The following TBC1D10A variants were observed in gnomAD, a reference collection of about 807,000 sequenced individuals.
TBC1D10A encodes the protein EBP50-PDX interactor of 64 kDa.
A neutral mutation model predicts 52.9 loss-of-function variants in TBC1D10A; 24 were observed. That is an observed-to-expected ratio of 0.45 (90% CI 0.33 to 0.64). TBC1D10A has a LOEUF of 0.64. Among genes scored for constraint, TBC1D10A ranks in the 30% least tolerant of loss-of-function variants. The probability of loss-of-function intolerance (pLI) is 0.02; values close to 1 mark genes in which losing one functional copy is unlikely to be tolerated. For missense variants in TBC1D10A, 602 were observed against 687.9 expected (o/e 0.88, Z 1.40); for synonymous variants, 278 against 282.9 (o/e 0.98, Z 0.17).
intron 1 of TBC1D10A, among the ~76,000 whole-genome samples, chr22:30,316,765 A>G (rs1323970213): frequency 6.6e-6 from 1 of 152,188 alleles, no homozygotes; most frequent in Non-Finnish European, 1.5e-5. Flanking sequence ...GTTGGCTGGC[A>G]CAGTGGCTCA....
chr22:30,318,711 C>A, intron 1 of TBC1D10A: 1 of 471,180 alleles, frequency 2.1e-6, no homozygotes, highest in Non-Finnish European at 4.4e-6. Flanking sequence ...GATTTGCCAG[C>A]CTCTTTATCC....
chr22:30,319,062 C>T (rs576502896), intron 1 of TBC1D10A, among the ~76,000 whole-genome samples: 32 of 152,110 alleles, frequency 2.1e-4, no homozygotes, highest in Admixed American at 1.4e-3. Context: ...TACTGCCTCC[C>T]GTTCTTCTTG....
At chr22:30,296,019 T>G in intron 3 of TBC1D10A, 176 bp from the exon 4 acceptor site, 1 of 620,158 alleles carries the variant, frequency 1.6e-6, no homozygotes, top group Non-Finnish European at 2.8e-6. Flanking sequence ...AAGGAATGCC[T>G]GGGCAGGGGC....
chr22:30,309,149 G>A (rs977545303), intron 1 of TBC1D10A, among the ~76,000 whole-genome samples: 15 of 152,106 alleles, frequency 9.9e-5, no homozygotes, highest in Middle Eastern at 3.2e-3. Context: ...TGGCCTGCCC[G>A]TACCTAGCAA....
At chr22:30,293,411 C>T (rs1271142266) in intron 8 of TBC1D10A, 1 of 729,370 alleles carries the variant, frequency 1.4e-6, no homozygotes, top group East Asian at 2.7e-5. Context: ...GGCCGTGGGT[C>T]AACATTCTTC....
chr22:30,295,516 C>A (rs570690455), intron 4 of TBC1D10A, among the ~76,000 whole-genome samples: 2 of 152,332 alleles, frequency 1.3e-5, no homozygotes, highest in East Asian at 3.9e-4. Flanking sequence ...GAGGGCCAGG[C>A]TGGACAAGCT....
chr22:30,307,197 T>C (rs1234413401), intron 1 of TBC1D10A, among the ~76,000 whole-genome samples: 1 of 152,102 alleles, frequency 6.6e-6, no homozygotes, highest in Non-Finnish European at 1.5e-5. Flanking sequence ...CAGGAACCAA[T>C]TGCTAGTGAG....
In TBC1D10A at chr22:30,294,991, G is replaced by A; in HGVS notation, c.589C>T (p.Gln197Ter). ...TLYRPEEGYCQAQAPIAAVLL... is the reference protein window; with the variant it reads ...TLYRPEEGYC The stretch of plus-strand genomic sequence containing the variant: ...ACAGCGGCAATGGGCGCCTGGGCCT[G>A]GCAGTAGCCCTCCTCGGGCCGGTAC... The change falls in exon 5 of 9, where the codon CAG (glutamine) becomes TAG (stop). Residue 197 changes from glutamine to a stop codon, truncating the protein, a stop_gained. Coordinates refer to ENST00000215790, the MANE Select transcript of TBC1D10A (RefSeq NM_031937.3). LOFTEE classifies it high-confidence loss of function. 1 of 1,614,080 alleles carries A rather than the reference G, an allele frequency of 6.2e-7. No individual in the cohort carries two copies. The highest frequency in any genetic ancestry group is 8.5e-7 in the Non-Finnish European group (1 of 1,180,036).
At chr22:30,310,399 T>C (rs1930400658) in intron 1 of TBC1D10A, among the ~76,000 whole-genome samples, 1 of 152,188 alleles carries the variant, frequency 6.6e-6, no homozygotes, top group South Asian at 2.1e-4. Context: ...CAGGGCATGA[T>C]TACCACCATT....
At chr22:30,311,115 C>G (rs1930416913) in intron 1 of TBC1D10A, among the ~76,000 whole-genome samples, 1 of 152,194 alleles carries the variant, frequency 6.6e-6, no homozygotes, top group African/African-American at 2.4e-5. Context: ...GTTTTGCATA[C>G]TAGGCAACAA....
chr22:30,294,207 T>C, intron 6 of TBC1D10A, 97 bp from the exon 7 acceptor site: 1 of 1,399,934 alleles, frequency 7.1e-7, no homozygotes, highest in Non-Finnish European at 9.8e-7. Flanking sequence ...CCCAGCAGGC[T>C]CAGGCAGCTA....
chr22:30,322,995 G>C (rs1930690271), intron 1 of TBC1D10A, among the ~76,000 whole-genome samples: 1 of 151,316 alleles, frequency 6.6e-6, no homozygotes, highest in Admixed American at 6.6e-5. Flanking sequence ...CCACCTCCTG[G>C]GCTCAAGAGA....
intron 1 of TBC1D10A, among the ~76,000 whole-genome samples, chr22:30,317,087 A>T (rs1930553487): frequency 6.6e-6 from 1 of 152,164 alleles, no homozygotes; most frequent in South Asian, 2.1e-4. Flanking sequence ...CGTAGTTTTT[A>T]TGTGGGGAAA....
In TBC1D10A at chr22:30,293,694, C is replaced by T; in HGVS notation, c.1007G>A (p.Ser336Asn). The T allele has an allele frequency of 6.2e-7, 1 of 1,612,712 alleles. No homozygotes were observed. Among genetic ancestry groups the T allele is most frequent in the Non-Finnish European group, 8.5e-7 (1 of 1,179,108 alleles). ...GQYETIERLR[S>N]LSPKIMQEAF... ...CTCCTGCATGATCTTGGGGCTGAGG[C>T]TCCGCAGTCGCTCGATGGTCTCGTA... The change falls in exon 8 of 9, where the codon AGC becomes AAC. Residue 336 changes from serine to asparagine, a missense_variant. By Grantham distance (46) the Ser-to-Asn change is conservative. This residue lies in a region of TBC1D10A where 265 missense variants were observed against 275.1 expected (regional missense o/e 0.96). Coordinates refer to ENST00000215790, the MANE Select transcript of TBC1D10A (RefSeq NM_031937.3).
intron 1 of TBC1D10A, among the ~76,000 whole-genome samples, chr22:30,326,280 G>T (rs1352264962): frequency 6.6e-6 from 1 of 151,580 alleles, no homozygotes; most frequent in African/African-American, 2.4e-5. Context: ...GTCTATGGAG[G>T]GGGGCGCCAG....
At chr22:30,318,563 A>C (rs974768026) in intron 1 of TBC1D10A, 19 of 468,580 alleles carry the variant, frequency 4.1e-5, no homozygotes, top group Middle Eastern at 3.3e-4. Context: ...CTTCAGAGGA[A>C]GGCCACAGCT....
intron 2 of TBC1D10A, among the ~76,000 whole-genome samples, chr22:30,300,935 GC>G (rs1413933136): frequency 6.6e-6 from 1 of 152,234 alleles, no homozygotes; most frequent in Non-Finnish European, 1.5e-5. Flanking sequence ...CTCAATTCCG[GC>G]TAGCTGTTTT....
At chr22:30,306,500 A>G (rs185237493) in intron 1 of TBC1D10A, among the ~76,000 whole-genome samples, 5 of 152,314 alleles carry the variant, frequency 3.3e-5, no homozygotes, top group Admixed American at 6.5e-5. Context: ...CAAACCCCCA[A>G]TGTCAAACCT....
At chr22:30,319,493 G>A (rs1257755260) in intron 1 of TBC1D10A, among the ~76,000 whole-genome samples, 1 of 152,220 alleles carries the variant, frequency 6.6e-6, no homozygotes, top group Non-Finnish European at 1.5e-5. Flanking sequence ...TGCTCTCCCA[G>A]GCTGCTGGGT....
Sources: allele counts gnomAD v4.1 joint callset (sites outside exome capture counted in the v4.1 genomes callset), GRCh38; gene constraint gnomAD v4.1.1; regional missense constraint gnomAD v4.1.1; transcripts MANE v1.5; gene names NCBI Gene and HGNC (gene_info 2026-07-23, HGNC 2026-07-21).